Variants in BCAS1 observed in about 807,000 individuals in gnomAD.
BCAS1 encodes breast carcinoma-amplified sequence 1.
In BCAS1, 46 loss-of-function variants were observed where a neutral mutation model predicts 65.4. That is an observed-to-expected ratio of 0.70 (90% confidence interval 0.55 to 0.90). The LOEUF is 0.90. Among genes scored for constraint, BCAS1 ranks in the 40% least tolerant of loss-of-function variants. The pLI is 0.00. For synonymous variants in BCAS1, 298 were observed against 293.5 expected, an observed-to-expected ratio of 1.02 and a Z score of -0.16; for missense variants, 793 against 771.2, an observed-to-expected ratio of 1.03 and a Z score of -0.33.
Position 53,967,070 on chromosome 20 carries a change from C to T in BCAS1, c.1321G>A (p.Val441Met), listed in dbSNP as rs2090052305. ...SVPTGAEENV[V>M]CESPVEIIKS... ...ATAATCTCTACTGGTGACTCACACA[C>T]CACCTGGATTATTTTGCCAGGTAAT... Residue 441 changes from valine (V) to methionine (M), a missense_variant, in exon 10 of 13, where the codon GTG becomes ATG. Transcript: ENST00000688948. 1.5e-5 allele frequency: 24 copies of T among 1,602,024 alleles called. No individual in the cohort carries two copies. Among genetic ancestry groups the T allele is most frequent in the Non-Finnish European group, 1.8e-5 (21 of 1,176,222 alleles).
chr20:54,042,155 C>T (rs933641480), intron 3 of BCAS1, among the ~76,000 whole-genome samples: 11 of 151,970 alleles, frequency 7.2e-5, no homozygotes, highest in African/African-American at 1.9e-4. Flanking sequence ...ATGACCTAAA[C>T]GCTTATTAGT....
chr20:54,022,325 A>C (rs568573171), intron 4 of BCAS1, among the ~76,000 whole-genome samples: 1 of 152,160 alleles, frequency 6.6e-6, no homozygotes, highest in Non-Finnish European at 1.5e-5. Context: ...GCCAAAGTAA[A>C]AATGATATAT....
intron 3 of BCAS1, among the ~76,000 whole-genome samples, chr20:54,056,833 CATA>C (rs1349463619): frequency 2.0e-5 from 3 of 152,156 alleles, no homozygotes; most frequent in Admixed American, 6.5e-5. Context: ...CAACCATAAC[CATA>C]ATATGATAAT....
chr20:54,058,061 T>C (rs775842639), intron 3 of BCAS1, 24 bp downstream of exon 3: 38 of 1,592,724 alleles, frequency 2.4e-5, no homozygotes, highest in Non-Finnish European at 3.2e-5. Flanking sequence ...AGAGGGTAGA[T>C]GCCCTTCCCA....
chr20:53,950,944 A>AT (rs2089501047), intron 12 of BCAS1, among the ~76,000 whole-genome samples: 1 of 152,242 alleles, frequency 6.6e-6, no homozygotes, highest in African/African-American at 2.4e-5. Flanking sequence ...CAAGGGTTGC[A>AT]TTTTTAATAC....
chr20:54,045,373 TAA>T (rs1295094360), intron 3 of BCAS1, among the ~76,000 whole-genome samples: 2 of 152,070 alleles, frequency 1.3e-5, no homozygotes, highest in African/African-American at 4.8e-5. Flanking sequence ...AAAAATGAAT[TAA>T]AGTTATACCA....
chr20:54,018,627 C>T (rs772027509), intron 4 of BCAS1, among the ~76,000 whole-genome samples: 9 of 152,160 alleles, frequency 5.9e-5, no homozygotes, highest in Non-Finnish European at 1.2e-4. Context: ...TGAGCCACCG[C>T]GCCCAGCCTC....
chr20:53,991,821 C>G (rs1215920410), intron 7 of BCAS1, among the ~76,000 whole-genome samples: 1 of 152,116 alleles, frequency 6.6e-6, no homozygotes, highest in Non-Finnish European at 1.5e-5. Flanking sequence ...GGAAGCATAC[C>G]ATTGGTGGAT....
intron 10 of BCAS1, among the ~76,000 whole-genome samples, chr20:53,963,595 T>C (rs545256940): frequency 6.6e-6 from 1 of 152,308 alleles, no homozygotes; most frequent in East Asian, 1.9e-4. Flanking sequence ...ATTAAATCAA[T>C]TATTTAAACA....
intron 12 of BCAS1, among the ~76,000 whole-genome samples, chr20:53,951,206 C>T (rs2089510986): frequency 6.6e-6 from 1 of 152,194 alleles, no homozygotes. Flanking sequence ...GGCATGGTGG[C>T]TCATGCCTGT....
At chr20:54,055,113 C>A (rs1414218248) in intron 3 of BCAS1, among the ~76,000 whole-genome samples, 3 of 152,146 alleles carry the variant, frequency 2.0e-5, no homozygotes, top group Non-Finnish European at 4.4e-5. Context: ...TTTCCCTATT[C>A]ATTCCTTGCC....
intron 12 of BCAS1, among the ~76,000 whole-genome samples, chr20:53,950,464 T>A (rs1008855464): frequency 4.7e-5 from 7 of 147,480 alleles, no homozygotes; most frequent in African/African-American, 1.7e-4. Context: ...CAGGCAAAAG[T>A]AGCACACACC....
At chr20:53,970,620 T>C (rs1327518951) in intron 9 of BCAS1, among the ~76,000 whole-genome samples, 1 of 152,200 alleles carries the variant, frequency 6.6e-6, no homozygotes, top group Non-Finnish European at 1.5e-5. Context: ...GCTTGATTTC[T>C]GTAGAGGATA....
chr20:53,957,061 AAATG>A (rs775968931), intron 11 of BCAS1, among the ~76,000 whole-genome samples: 1 of 152,234 alleles, frequency 6.6e-6, no homozygotes, highest in Non-Finnish European at 1.5e-5. Flanking sequence ...CAGGGGAGAT[AAATG>A]AATTATTACA....
chr20:53,964,490 C>A (rs371526473), intron 10 of BCAS1, among the ~76,000 whole-genome samples: 1 of 152,200 alleles, frequency 6.6e-6, no homozygotes, highest in African/African-American at 2.4e-5. Context: ...TGTTCCCAGG[C>A]CTTTTCGTGG....
intron 4 of BCAS1, among the ~76,000 whole-genome samples, chr20:54,000,599 C>T (rs1282180716): frequency 6.6e-5 from 10 of 152,286 alleles, no homozygotes; most frequent in Admixed American, 5.2e-4. Context: ...CAATTACCTG[C>T]CTACTAGCCT....
intron 3 of BCAS1, among the ~76,000 whole-genome samples, chr20:54,031,046 C>T (rs2091789184): frequency 6.6e-6 from 1 of 151,186 alleles, no homozygotes; most frequent in African/African-American, 2.4e-5. Context: ...AAGGGAAATG[C>T]TAAGATTCAA....
intron 4 of BCAS1, among the ~76,000 whole-genome samples, chr20:54,014,380 A>T (rs2091387381): frequency 6.6e-6 from 1 of 152,244 alleles, no homozygotes; most frequent in African/African-American, 2.4e-5. Context: ...CATGTTGAAA[A>T]ATAATGCCGC....
In BCAS1 at chr20:54,058,035, AC is replaced by A. The variant is rs1169442121; in HGVS notation, c.142+49del. On this transcript the variant is annotated intron_variant, in intron 3 of 12. Coordinates refer to ENST00000688948, the MANE Select transcript of BCAS1 (RefSeq NM_001366298.2). The stretch of plus-strand genomic sequence containing the variant: ...TTTTCACCGTAAACAGCATCTGCAG[AC>A]CCCCCTTCCCCACGAGAGGGTAGAT... 7.4e-6 allele frequency: 10 copies of A among 1,348,870 alleles called. No homozygotes were observed. The Admixed American group carries it at 1.4e-4, about 19-fold the overall frequency. 83.6% of individuals were successfully genotyped at this position (1,348,870 alleles called of 1,614,324 possible).
Sources: allele counts gnomAD v4.1 joint callset (sites outside exome capture counted in the v4.1 genomes callset), GRCh38; gene constraint gnomAD v4.1.1; transcripts MANE v1.5; gene names NCBI Gene and HGNC (gene_info 2026-07-23, HGNC 2026-07-21).